The following RANBP17 variants were observed in gnomAD, a reference collection of about 807,000 sequenced individuals.
RANBP17 encodes the protein RAN binding protein 17, also known as ran-binding protein 17.
Under a neutral mutation model 141.2 loss-of-function variants are expected in RANBP17, and 158 were observed. That is an observed-to-expected ratio of 1.12 (90% confidence interval 0.98 to 1.28). The LOEUF is 1.28. RANBP17 is among the 50% of genes most tolerant of loss of function. The probability of loss-of-function intolerance (pLI) is 0.00; values close to 1 mark genes in which losing one functional copy is unlikely to be tolerated. For synonymous variants in RANBP17, 430 were observed against 450.0 expected (o/e 0.96, Z 0.56); for missense variants, 1,438 against 1,290.7 (o/e 1.11, Z -1.75).
intron 14 of RANBP17, among the ~76,000 whole-genome samples, chr5:171,039,244 GGTTT>G (rs750502720): frequency 1.1e-5 from 1 of 90,184 alleles, no homozygotes; most frequent in Non-Finnish European, 2.5e-5. Flanking sequence ...TTCTGTTGTT[GGTTT>G]TTTTTTTTTT....
intron 20 of RANBP17, among the ~76,000 whole-genome samples, chr5:171,210,104 G>A (rs1001129022): frequency 6.6e-6 from 1 of 152,124 alleles, no homozygotes; most frequent in African/African-American, 2.4e-5. Context: ...GAAATTCATA[G>A]AGAAGATCTC....
intron 14 of RANBP17, among the ~76,000 whole-genome samples, chr5:171,167,311 A>T (rs544135767): frequency 8.5e-5 from 13 of 152,344 alleles, no homozygotes; most frequent in African/African-American, 3.1e-4. Context: ...TTTAAAATGC[A>T]TAATAAAATG....
At chr5:171,213,492 A>G (rs1467669730) in intron 20 of RANBP17, 139 bp from the exon 21 acceptor site, 2 of 626,012 alleles carry the variant, frequency 3.2e-6, no homozygotes, top group East Asian at 2.8e-5. Context: ...ATGCCATTGT[A>G]TAGTATAGAC....
chr5:171,024,412 A>G (rs943597689), intron 14 of RANBP17, among the ~76,000 whole-genome samples: 5 of 152,154 alleles, frequency 3.3e-5, no homozygotes, highest in Non-Finnish European at 7.4e-5. Context: ...CATATTGTCT[A>G]TAGCTGCTTT....
chr5:170,894,779 G>A (rs1769971170), intron 4 of RANBP17, among the ~76,000 whole-genome samples: 1 of 151,932 alleles, frequency 6.6e-6, no homozygotes. Context: ...ATTTAGGGCA[G>A]TGCTATTCAA....
At chr5:171,296,099 C>A in intron 27 of RANBP17, 85 bp downstream of exon 27, 1 of 1,360,986 alleles carries the variant, frequency 7.3e-7, no homozygotes, top group Non-Finnish European at 1.0e-6. Flanking sequence ...TGACACAGCT[C>A]ACACATGGAT....
In RANBP17 at chr5:171,013,432, G is replaced by A. The variant is rs1017050898; in HGVS notation, c.1710+45055G>A. 2.6e-5 allele frequency among the ~76,000 whole-genome samples: 4 copies of A among 152,174 alleles called. No homozygotes were observed. In the South Asian group the frequency reaches 6.2e-4, roughly 24 times the overall value. On this transcript the variant is annotated intron_variant, in intron 14 of 27. Coordinates refer to ENST00000523189, the MANE Select transcript of RANBP17 (RefSeq NM_022897.5). ...TGTTGTCTGTACCACTTGTCTCCAT[G>A]CCCTCATCAACTGCTCATTTCTCAG...
At chr5:171,126,213 G>A (rs1035241819) in intron 14 of RANBP17, among the ~76,000 whole-genome samples, 15 of 152,244 alleles carry the variant, frequency 9.9e-5, no homozygotes, top group African/African-American at 3.1e-4. Context: ...TTATGCTCCT[G>A]AATAACCACT....
At chr5:170,875,609 T>C (rs1047137601) in intron 1 of RANBP17, among the ~76,000 whole-genome samples, 2 of 152,344 alleles carry the variant, frequency 1.3e-5, no homozygotes, top group Non-Finnish European at 2.9e-5. Context: ...CTATTGATAC[T>C]TGTGTATGCT....
intron 14 of RANBP17, among the ~76,000 whole-genome samples, chr5:171,058,937 T>C (rs1561603171): frequency 6.6e-6 from 1 of 152,106 alleles, no homozygotes; most frequent in Admixed American, 6.5e-5. Context: ...TTTTCATGTG[T>C]CTTTTGGCTG....
intron 5 of RANBP17, 63 bp from the exon 6 acceptor site, chr5:170,909,598 T>TTTTTAA: frequency 1.9e-6 from 1 of 513,778 alleles, no homozygotes. Context: ...TTTTTTTTTT[T>TTTTTAA]AGTAAATTTT....
intron 20 of RANBP17, among the ~76,000 whole-genome samples, chr5:171,211,628 G>T (rs903025071): frequency 5.9e-4 from 74 of 126,162 alleles, no homozygotes; most frequent in Non-Finnish European, 1.1e-3. Flanking sequence ...TGAGGGCAGG[G>T]TTTTTTTTTT....
At chr5:171,112,386 A>G (rs957186509) in intron 14 of RANBP17, among the ~76,000 whole-genome samples, 3 of 152,082 alleles carry the variant, frequency 2.0e-5, no homozygotes, top group Non-Finnish European at 2.9e-5. Flanking sequence ...ATCTTCAATA[A>G]ATGTTTGTAG....
At chr5:171,109,649 T>G (rs1049936422) in intron 14 of RANBP17, among the ~76,000 whole-genome samples, 1 of 152,184 alleles carries the variant, frequency 6.6e-6, no homozygotes, top group African/African-American at 2.4e-5. Flanking sequence ...ACTAATACAA[T>G]GTAAATGCTA....
At chr5:170,957,772 G>A (rs1262867661) in intron 13 of RANBP17, among the ~76,000 whole-genome samples, 1 of 152,174 alleles carries the variant, frequency 6.6e-6, no homozygotes, top group Non-Finnish European at 1.5e-5. Flanking sequence ...AGCTTTGTTT[G>A]GGTACCAGTG....
intron 14 of RANBP17, among the ~76,000 whole-genome samples, chr5:171,060,805 G>A (rs1486780904): frequency 6.6e-6 from 1 of 151,872 alleles, no homozygotes; most frequent in Admixed American, 6.6e-5. Context: ...GACTCTTTTT[G>A]GTTGGTAAGC....
At chr5:170,931,829 G>C (rs927086988) in intron 12 of RANBP17, among the ~76,000 whole-genome samples, 7 of 152,112 alleles carry the variant, frequency 4.6e-5, no homozygotes, top group African/African-American at 1.7e-4. Context: ...ATAGTTTGAA[G>C]TCAGGTAGCA....
At chr5:171,235,774 T>G (rs969690211) in intron 22 of RANBP17, among the ~76,000 whole-genome samples, 1 of 151,956 alleles carries the variant, frequency 6.6e-6, no homozygotes, top group Non-Finnish European at 1.5e-5. Context: ...GCTAATTTTT[T>G]GTAGAGATGG....
At chr5:171,258,939 C>T (rs1766105069) in intron 24 of RANBP17, among the ~76,000 whole-genome samples, 1 of 152,082 alleles carries the variant, frequency 6.6e-6, no homozygotes, top group Admixed American at 6.5e-5. Context: ...AAACAGACAA[C>T]CTGTTGAATG....
Sources: allele counts gnomAD v4.1 joint callset (sites outside exome capture counted in the v4.1 genomes callset), GRCh38; gene constraint gnomAD v4.1.1; transcripts MANE v1.5; gene names NCBI Gene and HGNC (gene_info 2026-07-23, HGNC 2026-07-21).